WDR36: variants seen among roughly 807,000 people sequenced by gnomAD.
WDR36 encodes the protein WD repeat-containing protein 36.
WDR36 carries 63 observed loss-of-function variants against 112.7 expected under a neutral mutation model. That is an observed-to-expected ratio of 0.56 (90% CI 0.46 to 0.69). WDR36 has a LOEUF of 0.69. WDR36 is among the 30% of genes least tolerant of loss of function. The pLI is 0.00. For missense variants in WDR36, 1,226 were observed against 1,070.3 expected (o/e 1.15, Z -2.03); for synonymous variants, 410 against 362.2 (o/e 1.13, Z -1.50).
chr5:111,123,272 G>C (rs1753605502), intron 19 of WDR36, among the ~76,000 whole-genome samples: 1 of 152,028 alleles, frequency 6.6e-6, no homozygotes, highest in Admixed American at 6.6e-5. Context: ...AAAGCACAAG[G>C]TACTAAAGAA....
rs752189803 is a variant in WDR36, at chr5:111,120,501, A to G, written c.1910A>G (p.Asn637Ser). 14 of 1,611,726 alleles carry G rather than the reference A, an allele frequency of 8.7e-6. No homozygotes were observed. The African/African-American group carries it at 9.4e-5, about 11-fold the overall frequency. The stretch of plus-strand genomic sequence containing the variant: ...CTTATGTTTTGATTTTTCAGGTCCA[A>G]TATTTCCCTGTATTCAGTTGTTTCA... ...VDHLGIYLWS[N>S]ISLYSVVSLR... Residue 637 changes from asparagine to serine, a missense_variant, in exon 18 of 23, where the codon AAT becomes AGT. Physicochemically the swap from Asn to Ser is conservative, Grantham distance 46 (BLOSUM62 1). Transcript: ENST00000513710.
chr5:111,111,559 T>C (rs1753340672), intron 15 of WDR36: 2 of 332,344 alleles, frequency 6.0e-6, no homozygotes. Context: ...CATTGGTATA[T>C]ATGTCATTCT....
chr5:111,119,268 C>A, intron 17 of WDR36, 148 bp downstream of exon 17: 2 of 718,522 alleles, frequency 2.8e-6, no homozygotes, highest in South Asian at 1.5e-5. Flanking sequence ...CACTGTAAGT[C>A]TGAGTGATTC....
At chr5:111,099,293 C>T (rs1235147911) in intron 4 of WDR36, among the ~76,000 whole-genome samples, 2 of 152,016 alleles carry the variant, frequency 1.3e-5, no homozygotes, top group Non-Finnish European at 2.9e-5. Flanking sequence ...TAGACAGTGG[C>T]TATGTTTATG....
chr5:111,108,654 G>C (rs1753265936), intron 12 of WDR36, among the ~76,000 whole-genome samples: 1 of 151,332 alleles, frequency 6.6e-6, no homozygotes, highest in Non-Finnish European at 1.5e-5. Context: ...CAGGCTTTCT[G>C]TCTGGCATGG....
At chr5:111,092,961 A>G (rs1244315232) in intron 1 of WDR36, among the ~76,000 whole-genome samples, 3 of 152,280 alleles carry the variant, frequency 2.0e-5, no homozygotes, top group African/African-American at 7.2e-5. Flanking sequence ...TTAATGAGAG[A>G]GAAAAACATG....
chr5:111,110,930 T>C lies in WDR36; in HGVS notation c.1584T>C (p.Asn528=). 6.2e-7 allele frequency: 1 copy of C among 1,611,326 alleles called. No homozygotes were observed. Among genetic ancestry groups the C allele is most frequent in the East Asian group, 2.2e-5 (1 of 44,830 alleles). Residue 528 remains asparagine, a synonymous_variant, in exon 14 of 23, where the codon AAT becomes AAC. Transcript: ENST00000513710. ...IHSVSLSSSP[N]IMLLHRDSGI... ...CTGTGAGCCTCAGTTCATCTCCAAA[T>C]ATCATGTTGCTACATAGGGACAGGT...
At position 111,107,357 on chromosome 5, in the gene WDR36, C is replaced by G. The variant is rs1189361250; in HGVS notation, c.1244C>G (p.Ser415Ter). The G allele has an allele frequency of 6.2e-7, 1 of 1,610,576 alleles. No homozygotes were observed. Among genetic ancestry groups the G allele is most frequent in the African/African-American group, 1.3e-5 (1 of 74,808 alleles). Reference sequence around the variant, plus strand: ...TGCCATCAAGGTAAGCTATCTTGCTCAACCTGGAATTATCAGAAATCTACA... The same window carrying G: ...TGCCATCAAGGTAAGCTATCTTGCTGAACCTGGAATTATCAGAAATCTACA... The part of the protein sequence containing the change: ...IACHQGKLSC[S>*]TWNYQKSTIG... Residue 415 changes from serine to a stop codon, truncating the protein, a stop_gained, in exon 12 of 23, where the codon TCA becomes TGA. Coordinates refer to ENST00000513710, the MANE Select transcript of WDR36 (RefSeq NM_139281.3). LOFTEE classifies it high-confidence loss of function.
intron 12 of WDR36, among the ~76,000 whole-genome samples, chr5:111,109,227 C>T (rs1171885853): frequency 6.6e-6 from 1 of 151,262 alleles, no homozygotes; most frequent in Admixed American, 6.6e-5. Context: ...TACAACATAG[C>T]ATAAACATTT....
intron 4 of WDR36, among the ~76,000 whole-genome samples, chr5:111,099,451 GTTTTTTT>G (rs796092518): frequency 1.8e-5 from 1 of 55,640 alleles, no homozygotes; most frequent in African/African-American, 5.8e-5. Flanking sequence ...GTTTTTTTTT[GTTTTTTT>G]TTTTGTTTTT....
intron 16 of WDR36, among the ~76,000 whole-genome samples, chr5:111,116,925 T>C (rs1753468644): frequency 6.6e-6 from 1 of 152,236 alleles, no homozygotes; most frequent in Admixed American, 6.5e-5. Context: ...GTATGTAAAC[T>C]TTTGATGAGT....
Position 111,110,756 on chromosome 5 carries a change from ATTTT to A in WDR36, c.1442-25_1442-22del, listed in dbSNP as rs34323614. On this transcript the variant is annotated intron_variant, in intron 13 of 22. Transcript: ENST00000513710. ...TCAGAGAGAAACACTGCCAATTCTG[ATTTT>A]TTTTTTCTTTTGACATCTACCTTAC... The A allele has an allele frequency of 1.3e-4, 195 of 1,518,174 alleles. No individual in the cohort carries two copies. The African/African-American group carries it at 2.4e-3, about 18-fold the overall frequency. 94.0% of individuals were successfully genotyped at this position (1,518,174 alleles called of 1,614,324 possible).
At position 111,119,085 on chromosome 5, in the gene WDR36, A is replaced by G; in HGVS notation, c.1869A>G (p.Ala623=). Residue 623 remains alanine, a synonymous_variant, in exon 17 of 23, where the codon GCA becomes GCG. Coordinates refer to ENST00000513710, the MANE Select transcript of WDR36 (RefSeq NM_139281.3). Reference sequence around the variant, plus strand: ...TGTCTCCTACTGGAGACTTTCTGGCAACTTCCCATGTGGACCACCTTGGAA... The same window carrying G: ...TGTCTCCTACTGGAGACTTTCTGGCGACTTCCCATGTGGACCACCTTGGAA... ...VSMSPTGDFL[A]TSHVDHLGIY... 6.2e-7 allele frequency: 1 copy of G among 1,613,596 alleles called. No homozygotes were observed. Among genetic ancestry groups the G allele is most frequent in the African/African-American group, 1.3e-5 (1 of 75,020 alleles).
intron 2 of WDR36, among the ~76,000 whole-genome samples, chr5:111,095,718 G>C (rs1752962505): frequency 6.6e-6 from 1 of 152,170 alleles, no homozygotes; most frequent in Non-Finnish European, 1.5e-5. Flanking sequence ...TCCGGAATCT[G>C]AAACACTTCT....
rs1471195408 is a variant in WDR36 at position 111,130,304 on chromosome 5, A to G, written c.*3421A>G. 5.2e-6 allele frequency: 1 copy of G among 193,980 alleles called. No individual in the cohort carries two copies. The highest frequency in any genetic ancestry group is 8.2e-5 in the East Asian group (1 of 12,250). 12.0% of individuals were successfully genotyped at this position (193,980 alleles called of 1,614,324 possible). On this transcript the variant is annotated 3_prime_UTR_variant, in exon 23 of 23. Coordinates refer to ENST00000513710, the MANE Select transcript of WDR36 (RefSeq NM_139281.3). Reference sequence around the variant, plus strand: ...GAGGGTTTTGCATCCCTCAAATACCATATGTTTTATTTGTGTTTGGTTGAA... The same window carrying G: ...GAGGGTTTTGCATCCCTCAAATACCGTATGTTTTATTTGTGTTTGGTTGAA...
intron 4 of WDR36, 135 bp downstream of exon 4, chr5:111,098,974 C>A: frequency 3.0e-6 from 2 of 666,868 alleles, no homozygotes; most frequent in Non-Finnish European, 2.6e-6. Flanking sequence ...AAATCTTTAA[C>A]GTGTAAGAAA....
rs1329156591 is a variant in WDR36, at chr5:111,110,169, G to C, written c.1327-20G>C. On this transcript the variant is annotated intron_variant, in intron 12 of 22. Transcript: ENST00000513710. ...AAAAATGTTAGTTATTTTGTCATTTGTGGGTTTTTTTTCTTAAAGGCAGTG... is the reference window on the plus strand; with the variant it reads ...AAAAATGTTAGTTATTTTGTCATTTCTGGGTTTTTTTTCTTAAAGGCAGTG... 2 of 1,548,736 alleles carry C rather than the reference G, an allele frequency of 1.3e-6. No individual in the cohort carries two copies. The highest frequency in any genetic ancestry group is 1.8e-6 in the Non-Finnish European group (2 of 1,121,784).
chr5:111,093,033 T>A (rs114292572), intron 1 of WDR36, among the ~76,000 whole-genome samples: 204 of 152,356 alleles, frequency 1.3e-3, no homozygotes, highest in African/African-American at 4.7e-3. Context: ...TAGAATACAT[T>A]GGGAGAACCG....
At chr5:111,097,494 G>A (rs1251908017) in intron 3 of WDR36, among the ~76,000 whole-genome samples, 2 of 152,150 alleles carry the variant, frequency 1.3e-5, no homozygotes, top group Non-Finnish European at 2.9e-5. Context: ...AGGACATAAT[G>A]TGTATTATTA....
Sources: allele counts gnomAD v4.1 joint callset (sites outside exome capture counted in the v4.1 genomes callset), GRCh38; gene constraint gnomAD v4.1.1; transcripts MANE v1.5; gene names NCBI Gene and HGNC (gene_info 2026-07-23, HGNC 2026-07-21).